The following TBC1D16 variants were observed in gnomAD, a reference collection of about 807,000 sequenced individuals.
The protein encoded by TBC1D16 is TBC1 domain family member 16.
TBC1D16 carries 58 observed loss-of-function variants against 74.7 expected under a neutral mutation model. The ratio of observed to expected loss-of-function variants is 0.78; its 90% CI spans 0.63 to 0.97. The LOEUF (loss-of-function observed/expected upper bound fraction) is 0.97. TBC1D16 is among the 50% of genes least tolerant of loss of function. The pLI is 0.00. For synonymous variants in TBC1D16, 493 were observed against 474.7 expected, an observed-to-expected ratio of 1.04 and a Z score of -0.50; for missense variants, 1,014 against 1,079.5, an observed-to-expected ratio of 0.94 and a Z score of 0.85.
chr17:79,986,008 G>A lies in TBC1D16; in HGVS notation c.779+24152C>T, dbSNP rs1019370680. Reference sequence around the variant, plus strand: ...TTCTGCCAGGCGGCATAAGGGGCGCGGCCCTCCGCTCTTCAGAACGGCTGG... The same window carrying A: ...TTCTGCCAGGCGGCATAAGGGGCGCAGCCCTCCGCTCTTCAGAACGGCTGG... On this transcript the variant is annotated intron_variant, in intron 3 of 11. Coordinates refer to ENST00000310924, the MANE Select transcript of TBC1D16 (RefSeq NM_019020.4). The surrounding 1 kb of genome is among the most constrained non-coding windows in gnomAD (Gnocchi z 6.0). Among the ~76,000 whole-genome samples, 1 of 152,196 alleles carries A rather than the reference G, an allele frequency of 6.6e-6. No homozygotes were observed. Among genetic ancestry groups the A allele is most frequent in the African/African-American group, 2.4e-5 (1 of 41,438 alleles).
At chr17:80,021,616 T>C (rs1231467724) in intron 1 of TBC1D16, among the ~76,000 whole-genome samples, 1 of 149,430 alleles carries the variant, frequency 6.7e-6, no homozygotes, top group Non-Finnish European at 1.5e-5. Flanking sequence ...GATCACTACA[T>C]ACACACCATA....
intron 3 of TBC1D16, among the ~76,000 whole-genome samples, chr17:79,958,537 T>C (rs1348462521): frequency 6.6e-6 from 1 of 152,212 alleles, no homozygotes; most frequent in African/African-American, 2.4e-5. Context: ...TATTTCTGAA[T>C]GGCAATTTGG....
chr17:79,933,095 G>T lies in TBC1D16; in HGVS notation c.*7764C>A, dbSNP rs1012527282. 2.0e-5 allele frequency: 3 copies of T among 152,298 alleles called. No homozygotes were observed. The highest frequency in any genetic ancestry group is 4.4e-5 in the Non-Finnish European group (3 of 68,104). 9.4% of individuals were successfully genotyped at this position (152,298 alleles called of 1,614,324 possible). On this transcript the variant is annotated 3_prime_UTR_variant, in exon 12 of 12. Coordinates refer to ENST00000310924, the MANE Select transcript of TBC1D16 (RefSeq NM_019020.4). Reference sequence around the variant, plus strand: ...GCCCACAGGTGGCGGAGGGGTGAAGGAGGAGGAGCCACCACTTCCGAAGCA... The same window carrying T: ...GCCCACAGGTGGCGGAGGGGTGAAGTAGGAGGAGCCACCACTTCCGAAGCA...
In TBC1D16 at chr17:79,981,058, C is replaced by A. The variant is rs896488391; in HGVS notation, c.780-28240G>T. ...AAGACCTTGGCTACTCATTTATATT[C>A]ATTTAAATTCCATCCACACACTTGT... On this transcript the variant is annotated intron_variant, in intron 3 of 11. Coordinates refer to ENST00000310924, the MANE Select transcript of TBC1D16 (RefSeq NM_019020.4). The surrounding 1 kb of genome is among the most constrained non-coding windows in gnomAD (Gnocchi z 6.9). Among the ~76,000 whole-genome samples the A allele has an allele frequency of 1.3e-5, 2 of 152,236 alleles. No individual in the cohort carries two copies. Among genetic ancestry groups the A allele is most frequent in the African/African-American group, 4.8e-5 (2 of 41,464 alleles).
Position 79,939,949 on chromosome 17 carries a change from T to C in TBC1D16, c.*910A>G, listed in dbSNP as rs1184452284. The C allele has an allele frequency of 6.6e-6, 1 of 152,206 alleles. No homozygotes were observed. The highest frequency in any genetic ancestry group is 2.4e-5 in the African/African-American group (1 of 41,452). 9.4% of individuals were successfully genotyped at this position (152,206 alleles called of 1,614,324 possible). A position where few individuals can be genotyped will look rare whatever the true frequency, so the allele number is the denominator to read the frequency against. On this transcript the variant is annotated 3_prime_UTR_variant, in exon 12 of 12. Transcript: ENST00000310924. Reference sequence around the variant, plus strand: ...CAAAGCAGATCATTGTCAGAGGATCTTGCAAACACAAACACGCACGCACGT... The same window carrying C: ...CAAAGCAGATCATTGTCAGAGGATCCTGCAAACACAAACACGCACGCACGT...
intron 1 of TBC1D16, among the ~76,000 whole-genome samples, chr17:80,033,905 A>G (rs1322893485): frequency 6.6e-6 from 1 of 152,238 alleles, no homozygotes; most frequent in East Asian, 1.9e-4. Context: ...GAATGTTTGT[A>G]TATGAATGGT....
chr17:80,000,181 T>C lies in TBC1D16; in HGVS notation c.779+9979A>G, dbSNP rs894847475. ...TCGGGAGCTGTTTCTGGGATTCAGGTTGGCACCCATAGAGCATATGCCGCG... is the reference window on the plus strand; with the variant it reads ...TCGGGAGCTGTTTCTGGGATTCAGGCTGGCACCCATAGAGCATATGCCGCG... On this transcript the variant is annotated intron_variant, in intron 3 of 11. Coordinates refer to ENST00000310924, the MANE Select transcript of TBC1D16 (RefSeq NM_019020.4). This position sits in a 1 kb window ranked among gnomAD's most constrained non-coding sequence, Gnocchi z 4.1. 2.0e-5 allele frequency among the ~76,000 whole-genome samples: 3 copies of C among 152,182 alleles called. No individual in the cohort carries two copies. Among genetic ancestry groups the C allele is most frequent in the Middle Eastern group, 3.2e-3 (1 of 316 alleles).
chr17:80,004,571 T>C (rs2035606461), intron 3 of TBC1D16, among the ~76,000 whole-genome samples: 1 of 152,244 alleles, frequency 6.6e-6, no homozygotes, highest in Non-Finnish European at 1.5e-5. Context: ...AGAGGGACCT[T>C]AGTCGGTCCA....
intron 3 of TBC1D16, among the ~76,000 whole-genome samples, chr17:80,003,779 G>A (rs752325341): frequency 5.9e-5 from 9 of 152,222 alleles, no homozygotes; most frequent in Admixed American, 1.3e-4. Flanking sequence ...GGCCGGGCAC[G>A]CGGCTCATGC....
Position 80,010,866 on chromosome 17 carries a change from G to T in TBC1D16, c.182-109C>A. The T allele has an allele frequency of 1.4e-6, 1 of 719,646 alleles. No homozygotes were observed. The highest frequency in any genetic ancestry group is 2.1e-6 in the Non-Finnish European group (1 of 474,174). The allele number at this position is 719,646 out of a possible 1,614,324, so 44.6% of individuals were successfully genotyped here. The stretch of plus-strand genomic sequence containing the variant: ...AGAGGCCACTGCCCTTTAGTAAAGT[G>T]CCAGTCCGGCCTCAGATACAGCCTG... On this transcript the variant is annotated intron_variant, in intron 2 of 11. Transcript: ENST00000310924. The surrounding 1 kb of genome is among the most constrained non-coding windows in gnomAD (Gnocchi z 8.8).
intron 1 of TBC1D16, among the ~76,000 whole-genome samples, chr17:80,034,201 T>C (rs1389262182): frequency 2.3e-4 from 2 of 8,532 alleles, no homozygotes; most frequent in African/African-American, 1.9e-3. Context: ...TTTTTTTTCC[T>C]TTTTTTTTTT....
At chr17:79,991,703 TGGGGC>T (rs1310517898) in intron 3 of TBC1D16, among the ~76,000 whole-genome samples, 10 of 57,018 alleles carry the variant, frequency 1.8e-4, no homozygotes, top group African/African-American at 5.2e-4. Flanking sequence ...CAGGTGGGGG[TGGGGC>T]GGGGCGGGGC....
Position 80,010,906 on chromosome 17 carries a change from C to T in TBC1D16, c.182-149G>A, listed in dbSNP as rs2035866435. 2 of 471,924 alleles carry T rather than the reference C, an allele frequency of 4.2e-6. No homozygotes were observed. The highest frequency in any genetic ancestry group is 5.7e-4 in the Middle Eastern group (1 of 1,760). The allele number at this position is 471,924 out of a possible 1,614,324, so 29.2% of individuals were successfully genotyped here. On this transcript the variant is annotated intron_variant, in intron 2 of 11. Coordinates refer to ENST00000310924, the MANE Select transcript of TBC1D16 (RefSeq NM_019020.4). The surrounding 1 kb of genome is among the most constrained non-coding windows in gnomAD (Gnocchi z 8.8). The stretch of plus-strand genomic sequence containing the variant: ...GATACAGCCTGGCCCTGAGCAAAAA[C>T]ACTAGAGGGAAACTGTGGAGCTTGA...
chr17:80,014,387 C>A (rs1454508607), intron 1 of TBC1D16, among the ~76,000 whole-genome samples: 1 of 151,866 alleles, frequency 6.6e-6, no homozygotes, highest in African/African-American at 2.4e-5. Flanking sequence ...AATTTATAAA[C>A]TAAAGGATTA....
chr17:79,998,197 G>T, intron 3 of TBC1D16, among the ~76,000 whole-genome samples: 1 of 150,220 alleles, frequency 6.7e-6, no homozygotes, highest in East Asian at 1.9e-4. Flanking sequence ...TTGGAATCCA[G>T]TATCTGCCCA....
intron 3 of TBC1D16, among the ~76,000 whole-genome samples, chr17:79,978,616 C>G (rs2034442334): frequency 6.6e-6 from 1 of 152,216 alleles, no homozygotes; most frequent in South Asian, 2.1e-4. Context: ...CTGAACAGAT[C>G]TCACAGCTGT....
intron 3 of TBC1D16, among the ~76,000 whole-genome samples, chr17:79,998,762 G>A (rs1216428672): frequency 1.3e-5 from 2 of 152,164 alleles, no homozygotes; most frequent in Admixed American, 1.3e-4. Flanking sequence ...AAGCGCCACC[G>A]TTCGCACATC....
intron 3 of TBC1D16, among the ~76,000 whole-genome samples, chr17:79,998,514 ATTT>A (rs376951265): frequency 7.6e-6 from 1 of 131,844 alleles, no homozygotes; most frequent in Non-Finnish European, 1.6e-5. Context: ...TATTATTATA[ATTT>A]TTTTTTTTTT....
chr17:79,948,503 G>A (rs1333083163), intron 8 of TBC1D16, among the ~76,000 whole-genome samples: 2 of 152,118 alleles, frequency 1.3e-5, no homozygotes, highest in African/African-American at 4.8e-5. Context: ...GTAGCAGAAT[G>A]TCACAGATGC....
Sources: allele counts gnomAD v4.1 joint callset (sites outside exome capture counted in the v4.1 genomes callset), GRCh38; gene constraint gnomAD v4.1.1; non-coding constraint Gnocchi (gnomAD v3.1); transcripts MANE v1.5; gene names NCBI Gene and HGNC (gene_info 2026-07-23, HGNC 2026-07-21).